SCTR: variants seen among roughly 807,000 people sequenced by gnomAD.
SCTR encodes secretin receptor, also known as pancreatic secretin receptor.
A neutral mutation model predicts 60.8 loss-of-function variants in SCTR; 56 were observed. The observed-to-expected ratio is 0.92, with a 90% CI of 0.74 to 1.15. The LOEUF (loss-of-function observed/expected upper bound fraction) is 1.15. Among genes scored for constraint, SCTR ranks in the 50% most tolerant of loss-of-function variants. The pLI, the probability that SCTR is intolerant of heterozygous loss-of-function variation, is 0.00. For missense variants in SCTR, 562 were observed against 550.4 expected, an observed-to-expected ratio of 1.02 and a Z score of -0.21; for synonymous variants, 202 against 217.0, an observed-to-expected ratio of 0.93 and a Z score of 0.61.
intron 7 of SCTR, 84 bp downstream of exon 7, chr2:119,461,763 G>C: frequency 9.5e-7 from 1 of 1,047,898 alleles, no homozygotes; most frequent in South Asian, 1.9e-5. Context: ...TGTGGAGCTG[G>C]AACTAAAAGC....
At chr2:119,468,208 G>C (rs1683918099) in intron 4 of SCTR, among the ~76,000 whole-genome samples, 1 of 152,154 alleles carries the variant, frequency 6.6e-6, no homozygotes, top group Non-Finnish European at 1.5e-5. Context: ...GTGGATAAGG[G>C]CTATTTATAA....
chr2:119,478,813 T>A lies in SCTR; in HGVS notation c.299A>T (p.Asn100Ile). 6.2e-7 allele frequency: 1 copy of A among 1,614,154 alleles called. No individual in the cohort carries two copies. Among genetic ancestry groups the A allele is most frequent in the South Asian group, 1.1e-5 (1 of 91,074 alleles). Residue 100 changes from asparagine (N) to isoleucine (I), a missense_variant and splice_region_variant, in exon 3 of 13, where the codon AAT (asparagine) becomes ATT (isoleucine). By Grantham distance (149) the Asn-to-Ile change is moderately radical. Coordinates refer to ENST00000019103, the MANE Select transcript of SCTR (RefSeq NM_002980.3). ...PRFLRMLTSR[N>I]GSLFRNCTQD... ...GGCCCCATGGGCCGAGTGGTTACCA[T>A]TTCTGCTGGTGAGCATCCGGAGGAA...
At chr2:119,456,512 CA>C (rs1683383329) in intron 7 of SCTR, among the ~76,000 whole-genome samples, 2 of 151,854 alleles carry the variant, frequency 1.3e-5, no homozygotes, top group Admixed American at 1.3e-4. Flanking sequence ...GAGAGTGAAC[CA>C]AAGACAGGGA....
At chr2:119,441,127 C>T (rs532347093) in intron 12 of SCTR, among the ~76,000 whole-genome samples, 84 of 152,250 alleles carry the variant, frequency 5.5e-4, no homozygotes, top group Non-Finnish European at 1.0e-3. Context: ...CTGAGTCACC[C>T]GTTTCACATA....
intron 9 of SCTR, among the ~76,000 whole-genome samples, chr2:119,450,751 C>T (rs1683131612): frequency 3.3e-5 from 5 of 152,050 alleles, no homozygotes; most frequent in Admixed American, 3.3e-4. Context: ...AGGCAGATCA[C>T]TCGAGTCCAG....
chr2:119,454,579 C>T lies in SCTR; in HGVS notation c.791-1232G>A, dbSNP rs1055445693. Among the ~76,000 whole-genome samples the T allele has an allele frequency of 4.6e-5, 7 of 152,150 alleles. No individual in the cohort carries two copies. The East Asian group carries it at 7.7e-4, about 17-fold the overall frequency. ...TAAAAGGACGTAAAACATGGCCAGACGCGGTGGTTCATGCCTGTAATCTCA... is the reference window on the plus strand; with the variant it reads ...TAAAAGGACGTAAAACATGGCCAGATGCGGTGGTTCATGCCTGTAATCTCA... On this transcript the variant is annotated intron_variant, in intron 7 of 12. Coordinates refer to ENST00000019103, the MANE Select transcript of SCTR (RefSeq NM_002980.3).
At chr2:119,514,203 T>C (rs1482313315) in intron 1 of SCTR, among the ~76,000 whole-genome samples, 1 of 152,208 alleles carries the variant, frequency 6.6e-6, no homozygotes, top group Non-Finnish European at 1.5e-5. Flanking sequence ...AACCAACAAC[T>C]GCCCCCTGGG....
chr2:119,450,707 C>T (rs1044938694), intron 9 of SCTR, among the ~76,000 whole-genome samples: 6 of 152,156 alleles, frequency 3.9e-5, no homozygotes, highest in East Asian at 1.9e-4. Context: ...CAGTGGTTCA[C>T]ACCTGCAATT....
At chr2:119,449,812 C>T (rs1039144654) in intron 9 of SCTR, among the ~76,000 whole-genome samples, 1 of 152,134 alleles carries the variant, frequency 6.6e-6, no homozygotes, top group South Asian at 2.1e-4. Flanking sequence ...AACCCTGCTT[C>T]TCTGCAACTT....
chr2:119,500,113 T>A (rs1678487965), intron 1 of SCTR, among the ~76,000 whole-genome samples: 1 of 152,130 alleles, frequency 6.6e-6, no homozygotes, highest in African/African-American at 2.4e-5. Flanking sequence ...ACATCACTAA[T>A]CATTAGAAAA....
chr2:119,470,885 G>A lies in SCTR; in HGVS notation c.405+2568C>T, dbSNP rs147471008. Among the ~76,000 whole-genome samples, 961 of 152,328 alleles carry A rather than the reference G, an allele frequency of 6.3e-3. 2 individuals are homozygous for A. The highest frequency in any genetic ancestry group is 8.8e-3 in the Non-Finnish European group (602 of 68,036). ...CCGGCTAATTTTTGTATTTTTAGTA[G>A]AGACAGAGTTTCGCCATGTTGGCCA... On this transcript the variant is annotated intron_variant, in intron 4 of 12. Coordinates refer to ENST00000019103, the MANE Select transcript of SCTR (RefSeq NM_002980.3).
intron 6 of SCTR, 94 bp downstream of exon 6, chr2:119,464,029 T>TG: frequency 7.4e-7 from 1 of 1,347,356 alleles, no homozygotes; most frequent in Non-Finnish European, 1.1e-6. Context: ...AGCAGGGGCT[T>TG]GGGGGAAGGA....
chr2:119,496,781 A>G (rs970785653), intron 1 of SCTR, among the ~76,000 whole-genome samples: 2 of 152,118 alleles, frequency 1.3e-5, no homozygotes, highest in African/African-American at 4.8e-5. Flanking sequence ...TTTAGCCAAT[A>G]ACCACCCTAC....
At chr2:119,503,401 TA>T (rs35212174) in intron 1 of SCTR, among the ~76,000 whole-genome samples, 1 of 151,944 alleles carries the variant, frequency 6.6e-6, no homozygotes, top group Admixed American at 6.6e-5. Context: ...TCCCATCGCT[TA>T]AAAAAATTAT....
intron 1 of SCTR, among the ~76,000 whole-genome samples, chr2:119,511,510 T>C (rs1678929843): frequency 6.6e-6 from 1 of 152,228 alleles, no homozygotes; most frequent in South Asian, 2.1e-4. Flanking sequence ...TTATTGTTTT[T>C]TCATTGGATT....
chr2:119,468,973 T>G (rs17016143), intron 4 of SCTR, among the ~76,000 whole-genome samples: 3,526 of 152,146 alleles, frequency 0.023, 145 homozygotes, highest in African/African-American at 0.082. Flanking sequence ...AGATTTTGAC[T>G]CGGGGTGACT....
intron 4 of SCTR, among the ~76,000 whole-genome samples, chr2:119,466,318 A>T (rs1314543350): frequency 6.6e-6 from 1 of 152,184 alleles, no homozygotes; most frequent in Non-Finnish European, 1.5e-5. Flanking sequence ...TGTCTTCTGG[A>T]TCCACTTAAA....
intron 2 of SCTR, among the ~76,000 whole-genome samples, chr2:119,483,624 G>A (rs572495041): frequency 5.9e-5 from 9 of 152,336 alleles, no homozygotes; most frequent in African/African-American, 1.9e-4. Context: ...CTGGTACATG[G>A]TTGAACATTT....
At chr2:119,459,512 C>A (rs919399326) in intron 7 of SCTR, among the ~76,000 whole-genome samples, 9 of 151,928 alleles carry the variant, frequency 5.9e-5, no homozygotes, top group Admixed American at 5.9e-4. Flanking sequence ...CAAGCAGGGG[C>A]CGTTACCTTC....
Sources: allele counts gnomAD v4.1 joint callset (sites outside exome capture counted in the v4.1 genomes callset), GRCh38; gene constraint gnomAD v4.1.1; transcripts MANE v1.5; gene names NCBI Gene and HGNC (gene_info 2026-07-23, HGNC 2026-07-21).